SLC7A13: variants seen among roughly 807,000 people sequenced by gnomAD.
SLC7A13 encodes solute carrier family 7 member 13, also known as X-amino acid transporter 2.
Under a neutral mutation model 32.0 loss-of-function variants are expected in SLC7A13, and 31 were observed. The ratio of observed to expected loss-of-function variants is 0.97; its 90% CI spans 0.73 to 1.31. The LOEUF (loss-of-function observed/expected upper bound fraction) is 1.31, where lower values mean the gene tolerates loss of function less well. Among genes scored for constraint, SLC7A13 ranks in the 50% most tolerant of loss-of-function variants. The pLI is 0.00. For synonymous variants in SLC7A13, 232 were observed against 206.9 expected, an observed-to-expected ratio of 1.12 and a Z score of -1.04; for missense variants, 633 against 546.9, an observed-to-expected ratio of 1.16 and a Z score of -1.57.
At chr8:86,225,364 G>C (rs2129802766) in intron 1 of SLC7A13, among the ~76,000 whole-genome samples, 1 of 152,262 alleles carries the variant, frequency 6.6e-6, no homozygotes, top group South Asian at 2.1e-4. Flanking sequence ...AGTGAAAACT[G>C]TAGGGACAAC....
chr8:86,217,899 ATAT>A, intron 2 of SLC7A13, 68 bp from the exon 3 acceptor site: 4 of 1,425,176 alleles, frequency 2.8e-6, no homozygotes, highest in Non-Finnish European at 3.7e-6. Context: ...AAACCTTTTA[ATAT>A]TATTTCAAAA....
At position 86,230,198 on chromosome 8, in the gene SLC7A13, A is replaced by G. The variant is rs1476923021; in HGVS notation, c.80T>C (p.Ile27Thr). The G allele has an allele frequency of 8.1e-6, 13 of 1,613,910 alleles. No individual in the cohort carries two copies. The highest frequency in any genetic ancestry group is 3.3e-5 in the Admixed American group (2 of 59,964). Reference sequence around the variant, plus strand: ...GGGGGACACAAAAATTCCTGCACCAATGATATTAATAAGCAAAAAACTTGT... The same window carrying G: ...GGGGGACACAAAAATTCCTGCACCAGTGATATTAATAAGCAAAAAACTTGT... Reference protein sequence around the residue: ...WGTSFLLINIIGAGIFVSPKG... With the variant: ...WGTSFLLINITGAGIFVSPKG... Residue 27 changes from isoleucine to threonine, a missense_variant, in exon 1 of 4, where the codon ATT becomes ACT. Ile to Thr is a moderately conservative substitution (Grantham distance 89). Transcript: ENST00000297524.
At position 86,230,217 on chromosome 8, in the gene SLC7A13, A is replaced by C. The variant is rs1820462152; in HGVS notation, c.61T>G (p.Phe21Val). 6.2e-7 allele frequency: 1 copy of C among 1,613,532 alleles called. No individual in the cohort carries two copies. The highest frequency in any genetic ancestry group is 8.5e-7 in the Non-Finnish European group (1 of 1,179,826). The change falls in exon 1 of 4, where the codon TTT becomes GTT. Residue 21 changes from phenylalanine to valine, a missense_variant. Phe to Val is a conservative substitution (Grantham distance 50). Transcript: ENST00000297524. The part of the protein sequence containing the change: ...RVFGYWWGTS[F>V]LLINIIGAGI... ...GCACCAATGATATTAATAAGCAAAA[A>C]ACTTGTGCCCCACCAATATCCAAAC...
In SLC7A13 at chr8:86,214,617, T is replaced by A. The variant is rs1820147142; in HGVS notation, c.1209A>T (p.Ile403=). 6.2e-7 allele frequency: 1 copy of A among 1,609,012 alleles called. No individual in the cohort carries two copies. Among genetic ancestry groups the A allele is most frequent in the South Asian group, 1.1e-5 (1 of 90,256 alleles). ...KVFLSFPLAT[I]VIDVGLVVIP... is the part of the protein sequence containing the mutation. ...TCACAACCAAGCCCACGTCGATGACTATTGTTGCTAATGGAAATGACAAAA... is the reference window on the plus strand; with the variant it reads ...TCACAACCAAGCCCACGTCGATGACAATTGTTGCTAATGGAAATGACAAAA... The change falls in exon 4 of 4, where the codon ATA becomes ATT. Residue 403 remains isoleucine, a synonymous_variant. Transcript: ENST00000297524.
rs533160994 is a variant in SLC7A13, at chr8:86,218,900, A to G, written c.818-1069T>C. On this transcript the variant is annotated intron_variant, in intron 2 of 3. Coordinates refer to ENST00000297524, the MANE Select transcript of SLC7A13 (RefSeq NM_138817.3). The stretch of plus-strand genomic sequence containing the variant: ...CTGGGGGTAGATGTCCTTGGAGCCT[A>G]TGTTCTTGTGCCAAGGTTTGTTTCC... Among the ~76,000 whole-genome samples the G allele has an allele frequency of 3.3e-5, 5 of 152,168 alleles. No homozygotes were observed. In the East Asian group the frequency reaches 7.7e-4, roughly 24 times the overall value.
chr8:86,230,050 G>A lies in SLC7A13; in HGVS notation c.228C>T (p.Cys76=), dbSNP rs1317239869. The change falls in exon 1 of 4, where the codon TGC becomes TGT. Residue 76 remains cysteine, a synonymous_variant. Transcript: ENST00000297524. Reference sequence around the variant, plus strand: ...TGAGAAAATAGTATTGAGCTCCACTGCATGGGAAGCTTATACTTATCTCTG... The same window carrying A: ...TGAGAAAATAGTATTGAGCTCCACTACATGGGAAGCTTATACTTATCTCTG... ...CSAEISISFP[C]SGAQYYFLKR... 6.2e-7 allele frequency: 1 copy of A among 1,614,158 alleles called. No homozygotes were observed. The highest frequency in any genetic ancestry group is 1.7e-5 in the Admixed American group (1 of 60,004).
chr8:86,221,986 T>C (rs1820304754), intron 2 of SLC7A13, among the ~76,000 whole-genome samples: 1 of 152,108 alleles, frequency 6.6e-6, no homozygotes, highest in Admixed American at 6.6e-5. Flanking sequence ...CTGATCTGAA[T>C]TTGCATTTGG....
In SLC7A13 at chr8:86,229,628, G is replaced by A; in HGVS notation, c.650C>T (p.Ala217Val). The A allele has an allele frequency of 6.2e-7, 1 of 1,613,902 alleles. No homozygotes were observed. The highest frequency in any genetic ancestry group is 8.5e-7 in the Non-Finnish European group (1 of 1,180,000). ...TGTAAAGCATGCCCCGCCTGAATAT[G>A]CAAAATATCCTTGGAAGATGGCTTG... ...LIQAIFQGYF[A>V]YSGGACFTLI... Residue 217 changes from alanine to valine, a missense_variant, in exon 1 of 4, where the codon GCA becomes GTA. By Grantham distance (64) the Ala-to-Val change is moderately conservative. Transcript: ENST00000297524.
intron 3 of SLC7A13, 109 bp from the exon 4 acceptor site, chr8:86,214,755 G>A: frequency 1.3e-6 from 1 of 764,920 alleles, no homozygotes; most frequent in South Asian, 2.1e-5. Context: ...AAGAAAACAG[G>A]CTAAATTAGC....
At position 86,217,681 on chromosome 8, in the gene SLC7A13, A is replaced by G. The variant is rs1296654086; in HGVS notation, c.968T>C (p.Leu323Pro). The G allele has an allele frequency of 6.2e-7, 1 of 1,613,598 alleles. No individual in the cohort carries two copies. ...PIYLASQEGQ[L>P]PLLFNTLNSH... ...ATTAAGTGTATTAAATAGCAAAGGC[A>G]GCTGGCCCTCTTGGCTTGCAAGATA... Residue 323 changes from leucine (L) to proline (P), a missense_variant, in exon 3 of 4, where the codon CTG becomes CCG. Transcript: ENST00000297524.
At chr8:86,227,063 A>G (rs181522052) in intron 1 of SLC7A13, among the ~76,000 whole-genome samples, 134 of 152,342 alleles carry the variant, frequency 8.8e-4, no homozygotes, top group Admixed American at 1.9e-3. Context: ...AACACTTGCT[A>G]TAGTTGGTAA....
chr8:86,224,152 A>G (rs1820351603), intron 1 of SLC7A13, among the ~76,000 whole-genome samples: 1 of 152,194 alleles, frequency 6.6e-6, no homozygotes, highest in Admixed American at 6.6e-5. Flanking sequence ...GTCTATATGA[A>G]AAGAAACAAG....
At position 86,229,733 on chromosome 8, in the gene SLC7A13, A is replaced by G; in HGVS notation, c.545T>C (p.Leu182Pro). The part of the protein sequence containing the change: ...SFISLTGVVF[L>P]IRGKKENVER... ...TACATTCTCCTTTTTCCCTCTTATC[A>G]GGAACACTACTCCAGTTAGGGAAAT... Residue 182 changes from leucine (L) to proline (P), a missense_variant, in exon 1 of 4, where the codon CTG becomes CCG. Transcript: ENST00000297524. 1.2e-6 allele frequency: 2 copies of G among 1,614,200 alleles called. No homozygotes were observed. The highest frequency in any genetic ancestry group is 1.7e-6 in the Non-Finnish European group (2 of 1,180,022).
intron 1 of SLC7A13, among the ~76,000 whole-genome samples, chr8:86,227,383 T>C (rs1300965706): frequency 2.6e-5 from 4 of 152,022 alleles, no homozygotes; most frequent in Admixed American, 6.6e-5. Context: ...CTTAAGGGGA[T>C]GGGAGGGAAA....
chr8:86,228,196 C>T (rs551294984), intron 1 of SLC7A13, among the ~76,000 whole-genome samples: 200 of 152,276 alleles, frequency 1.3e-3, no homozygotes, highest in Non-Finnish European at 1.2e-3. Flanking sequence ...CTTTGGCACC[C>T]ACTTCAGTCA....
intron 1 of SLC7A13, among the ~76,000 whole-genome samples, chr8:86,226,699 C>G (rs758443499): frequency 1.3e-5 from 2 of 152,180 alleles, no homozygotes; most frequent in Admixed American, 1.3e-4. Context: ...TCCTTCGTCT[C>G]TCTATGTACT....
At chr8:86,222,170 G>A (rs1273589337) in intron 2 of SLC7A13, among the ~76,000 whole-genome samples, 5 of 152,170 alleles carry the variant, frequency 3.3e-5, no homozygotes, top group East Asian at 1.9e-4. Context: ...TTAGGTTTGC[G>A]TCCATGCCTC....
At chr8:86,227,567 C>T (rs945173955) in intron 1 of SLC7A13, among the ~76,000 whole-genome samples, 30 of 152,140 alleles carry the variant, frequency 2.0e-4, no homozygotes, top group Non-Finnish European at 8.8e-5. Context: ...TACCATTTGA[C>T]ACAGCAATTC....
At chr8:86,220,798 A>G (rs1332128619) in intron 2 of SLC7A13, among the ~76,000 whole-genome samples, 1 of 152,046 alleles carries the variant, frequency 6.6e-6, no homozygotes. Flanking sequence ...AGGTCAGACC[A>G]GCCTGGCCAA....
Sources: gnomAD v4.1 joint callset for allele counts (sites outside exome capture counted in the v4.1 genomes callset) on GRCh38, gnomAD v4.1.1 for gene constraint, MANE v1.5 for transcripts, NCBI Gene and HGNC (gene_info 2026-07-23, HGNC 2026-07-21) for gene names.